NKAIN3: variants seen among roughly 807,000 people sequenced by gnomAD.
NKAIN3 encodes the protein sodium/potassium transporting ATPase interacting 3, also known as sodium/potassium-transporting ATPase subunit beta-1-interacting protein 3.
In NKAIN3, 25 loss-of-function variants were observed where a neutral mutation model predicts 30.2. That is an observed-to-expected ratio of 0.83 (90% CI 0.60 to 1.16). NKAIN3 has a LOEUF of 1.16. NKAIN3 is among the 50% of genes most tolerant of loss of function. The pLI is 0.00. For synonymous variants in NKAIN3, 91 were observed against 89.6 expected (o/e 1.02, Z -0.09); for missense variants, 225 against 254.1 (o/e 0.89, Z 0.78).
At chr8:62,337,296 G>A (rs544940873) in intron 1 of NKAIN3, among the ~76,000 whole-genome samples, 47 of 152,034 alleles carry the variant, frequency 3.1e-4, no homozygotes, top group African/African-American at 9.2e-4. Context: ...TATTTTGCCC[G>A]GAAATGGTAT....
At chr8:62,331,272 C>G (rs1563936800) in intron 1 of NKAIN3, among the ~76,000 whole-genome samples, 1 of 151,760 alleles carries the variant, frequency 6.6e-6, no homozygotes, top group African/African-American at 2.4e-5. Context: ...CAGCTAACTC[C>G]TACATGTTAG....
chr8:62,484,032 G>A (rs1428220314), intron 1 of NKAIN3, among the ~76,000 whole-genome samples: 1 of 152,212 alleles, frequency 6.6e-6, no homozygotes, highest in Non-Finnish European at 1.5e-5. Context: ...AGAAACACAT[G>A]TTGACATGTC....
At chr8:62,263,592 A>G (rs1812515407) in intron 1 of NKAIN3, among the ~76,000 whole-genome samples, 1 of 152,200 alleles carries the variant, frequency 6.6e-6, no homozygotes, top group Admixed American at 6.5e-5. Context: ...CAGGACTAGT[A>G]TTCTAGGACC....
chr8:62,517,164 C>A (rs573576774), intron 1 of NKAIN3, among the ~76,000 whole-genome samples: 3 of 152,106 alleles, frequency 2.0e-5, no homozygotes, highest in South Asian at 4.1e-4. Flanking sequence ...TTGGTGGTGA[C>A]TTTTAGGTCA....
intron 1 of NKAIN3, among the ~76,000 whole-genome samples, chr8:62,337,398 G>A (rs1175260018): frequency 1.3e-5 from 2 of 151,860 alleles, no homozygotes; most frequent in South Asian, 2.1e-4. Flanking sequence ...CATTATAATT[G>A]GAAACAGATA....
At chr8:62,547,214 T>C (rs1234226472) in intron 1 of NKAIN3, among the ~76,000 whole-genome samples, 1 of 152,196 alleles carries the variant, frequency 6.6e-6, no homozygotes, top group Non-Finnish European at 1.5e-5. Flanking sequence ...CTGGATTTTC[T>C]TACATTAGCA....
At chr8:62,591,902 G>T (rs1385414307) in intron 3 of NKAIN3, among the ~76,000 whole-genome samples, 1 of 151,888 alleles carries the variant, frequency 6.6e-6, no homozygotes, top group Non-Finnish European at 1.5e-5. Context: ...ACTTTTCCAG[G>T]TTCGTTCCAT....
At chr8:62,493,062 T>C (rs781415198) in intron 1 of NKAIN3, among the ~76,000 whole-genome samples, 2 of 152,190 alleles carry the variant, frequency 1.3e-5, no homozygotes, top group Non-Finnish European at 2.9e-5. Context: ...TTAGATCCCA[T>C]TTGTTAATGC....
chr8:62,462,969 T>A (rs1806042849), intron 1 of NKAIN3, among the ~76,000 whole-genome samples: 1 of 152,152 alleles, frequency 6.6e-6, no homozygotes, highest in African/African-American at 2.4e-5. Flanking sequence ...TTCCAGTCAT[T>A]CCCATAAAGA....
chr8:62,922,233 C>T (rs896648596), intron 5 of NKAIN3, among the ~76,000 whole-genome samples: 6 of 152,146 alleles, frequency 3.9e-5, no homozygotes, highest in Admixed American at 2.0e-4. Context: ...AACATTTCAT[C>T]GCTCTACTGT....
At chr8:62,905,686 A>T (rs1445193485) in intron 4 of NKAIN3, among the ~76,000 whole-genome samples, 10 of 152,004 alleles carry the variant, frequency 6.6e-5, no homozygotes, top group Admixed American at 6.6e-4. Context: ...TTCAACGCTC[A>T]CTCATTGTTC....
rs191634539 is a variant in NKAIN3 at position 62,912,271 on chromosome 8, G to T, written c.472-6182G>T. Among the ~76,000 whole-genome samples, 57 of 152,186 alleles carry T rather than the reference G, an allele frequency of 3.7e-4. No individual in the cohort carries two copies. The East Asian group carries it at 0.011, about 29-fold the overall frequency. ...TAAGCACTTACCATAAATGGAGCTT[G>T]CAGGACTGGAAGTTGCTCTCGGTAA... is the stretch of plus-strand genomic sequence containing the variant. On this transcript the variant is annotated intron_variant, in intron 4 of 6. Coordinates refer to ENST00000623646, the MANE Select transcript of NKAIN3 (RefSeq NM_001304533.3).
chr8:62,574,084 A>G (rs977069758), intron 1 of NKAIN3, among the ~76,000 whole-genome samples: 7 of 152,058 alleles, frequency 4.6e-5, no homozygotes, highest in South Asian at 4.1e-4. Context: ...CATGAGTTCA[A>G]TTGTTTTTAT....
chr8:62,836,493 T>C (rs1055884038), intron 4 of NKAIN3, among the ~76,000 whole-genome samples: 3 of 152,120 alleles, frequency 2.0e-5, no homozygotes, highest in African/African-American at 7.2e-5. Flanking sequence ...TAATAGTACA[T>C]TTCATCTGCA....
intron 3 of NKAIN3, among the ~76,000 whole-genome samples, chr8:62,712,611 G>C (rs11780909): frequency 6.6e-6 from 1 of 151,900 alleles, no homozygotes; most frequent in Non-Finnish European, 1.5e-5. Context: ...ACAGCCCTGA[G>C]TGTGTTTCCA....
rs148088879 is a variant in NKAIN3, at chr8:62,669,105, T to A, written c.274-77827T>A. 4.1e-4 allele frequency among the ~76,000 whole-genome samples: 63 copies of A among 152,300 alleles called. No individual in the cohort carries two copies. In the Middle Eastern group the frequency reaches 0.01, roughly 25 times the overall value. ...ATCGTCTCATGCAAGATTTGCCTCA[T>A]CTTTTAAGGCAAAGCCTCACTCACT... On this transcript the variant is annotated intron_variant, in intron 3 of 6. Coordinates refer to ENST00000623646, the MANE Select transcript of NKAIN3 (RefSeq NM_001304533.3).
chr8:62,421,120 G>A (rs1804626031), intron 1 of NKAIN3, among the ~76,000 whole-genome samples: 1 of 152,122 alleles, frequency 6.6e-6, no homozygotes, highest in African/African-American at 2.4e-5. Flanking sequence ...GTGCCCAGAA[G>A]GTCAGTCCTT....
chr8:62,888,788 G>A lies in NKAIN3; in HGVS notation c.472-29665G>A, dbSNP rs535469651. 2.0e-5 allele frequency among the ~76,000 whole-genome samples: 3 copies of A among 152,176 alleles called. No homozygotes were observed. In the East Asian group the frequency reaches 5.8e-4, roughly 29 times the overall value. On this transcript the variant is annotated intron_variant, in intron 4 of 6. Coordinates refer to ENST00000623646, the MANE Select transcript of NKAIN3 (RefSeq NM_001304533.3). The stretch of plus-strand genomic sequence containing the variant: ...CCTTCCTATCTGAAGTTTTGTATTA[G>A]TCCACTAGAACAATTTTTAGTTGTC...
At chr8:62,289,734 T>G (rs1208283339) in intron 1 of NKAIN3, among the ~76,000 whole-genome samples, 1 of 152,204 alleles carries the variant, frequency 6.6e-6, no homozygotes, top group Non-Finnish European at 1.5e-5. Flanking sequence ...GGGCTATTTT[T>G]GGTTTCATAT....
Sources: gnomAD v4.1 joint callset for allele counts (sites outside exome capture counted in the v4.1 genomes callset) on GRCh38, gnomAD v4.1.1 for gene constraint, MANE v1.5 for transcripts, NCBI Gene and HGNC (gene_info 2026-07-23, HGNC 2026-07-21) for gene names.